The following VRK2 variants were observed in gnomAD, a reference collection of about 807,000 sequenced individuals.
VRK2 encodes VRK serine/threonine kinase 2, also known as serine/threonine-protein kinase VRK2.
VRK2 carries 60 observed loss-of-function variants against 57.6 expected under a neutral mutation model. That is an observed-to-expected ratio of 1.04 (90% CI 0.85 to 1.29). VRK2 has a LOEUF of 1.29. VRK2 is among the 50% of genes most tolerant of loss of function. The probability of loss-of-function intolerance (pLI) is 0.00; values close to 1 mark genes in which losing one functional copy is unlikely to be tolerated. For synonymous variants in VRK2, 231 were observed against 199.2 expected, an observed-to-expected ratio of 1.16 and a Z score of -1.35; for missense variants, 705 against 588.1, an observed-to-expected ratio of 1.20 and a Z score of -2.06.
At chr2:57,974,066 A>C (rs1672173873) in intron 1 of VRK2, among the ~76,000 whole-genome samples, 1 of 151,810 alleles carries the variant, frequency 6.6e-6, no homozygotes, top group African/African-American at 2.4e-5. Flanking sequence ...GCTCTGAGGA[A>C]GAAGTTAGCT....
At chr2:58,013,855 T>A in intron 1 of VRK2, among the ~76,000 whole-genome samples, 1 of 83,282 alleles carries the variant, frequency 1.2e-5, no homozygotes, top group Non-Finnish European at 1.9e-5. Context: ...CGAGACTCCG[T>A]CTCAAAAAAA....
intron 11 of VRK2, among the ~76,000 whole-genome samples, chr2:58,140,334 C>T (rs1573362225): frequency 6.6e-6 from 1 of 152,036 alleles, no homozygotes; most frequent in Middle Eastern, 3.4e-3. Context: ...AAAAGTTACA[C>T]CTCTTCTTTT....
At chr2:57,992,281 C>A (rs1337716692) in intron 1 of VRK2, among the ~76,000 whole-genome samples, 1 of 152,050 alleles carries the variant, frequency 6.6e-6, no homozygotes, top group African/African-American at 2.4e-5. Context: ...GAGGAGAAAT[C>A]GTTCTAGAAA....
At chr2:58,040,112 A>G (rs1323707649) in intron 3 of VRK2, among the ~76,000 whole-genome samples, 1 of 151,950 alleles carries the variant, frequency 6.6e-6, no homozygotes, top group African/African-American at 2.4e-5. Flanking sequence ...TTTTTGGTAG[A>G]GACAGGGTCT....
intron 2 of VRK2, among the ~76,000 whole-genome samples, chr2:58,081,888 G>A (rs1393122687): frequency 6.6e-6 from 1 of 151,208 alleles, no homozygotes; most frequent in African/African-American, 2.4e-5. Flanking sequence ...GTGTGTGTGT[G>A]TGTGTGTGTG....
upstream of VRK2, among the ~76,000 whole-genome samples, chr2:58,046,164 T>C (rs1204602898): frequency 6.6e-6 from 1 of 152,194 alleles, no homozygotes; most frequent in African/African-American, 2.4e-5. Context: ...CTTTATGTAT[T>C]AGAAAACTGC....
At chr2:57,909,374 A>G (rs1669917839) in intron 1 of VRK2, among the ~76,000 whole-genome samples, 1 of 152,178 alleles carries the variant, frequency 6.6e-6, no homozygotes, top group Non-Finnish European at 1.5e-5. Context: ...ATCACTATGG[A>G]GATTAAGTAC....
chr2:57,914,761 A>G (rs1389883382), intron 1 of VRK2, among the ~76,000 whole-genome samples: 1 of 152,204 alleles, frequency 6.6e-6, no homozygotes, highest in East Asian at 1.9e-4. Flanking sequence ...TTATTGAGAC[A>G]TAAAAAGAAA....
chr2:58,011,534 G>C (rs1247901681), intron 1 of VRK2, among the ~76,000 whole-genome samples: 1 of 152,130 alleles, frequency 6.6e-6, no homozygotes, highest in African/African-American at 2.4e-5. Flanking sequence ...TTAAATCAGG[G>C]AAGAAACACA....
At chr2:57,999,853 A>C (rs897607600) in intron 1 of VRK2, among the ~76,000 whole-genome samples, 3 of 152,310 alleles carry the variant, frequency 2.0e-5, no homozygotes, top group Non-Finnish European at 4.4e-5. Context: ...TGTGTATTAA[A>C]AACTATTATA....
At chr2:58,103,601 A>T (rs147536049) in intron 7 of VRK2, among the ~76,000 whole-genome samples, 1 of 151,926 alleles carries the variant, frequency 6.6e-6, no homozygotes, top group Non-Finnish European at 1.5e-5. Context: ...AATCGGTAAT[A>T]GAAAAATCTT....
intron 12 of VRK2, among the ~76,000 whole-genome samples, chr2:58,155,236 G>GA (rs1683625141): frequency 6.6e-6 from 1 of 152,168 alleles, no homozygotes; most frequent in African/African-American, 2.4e-5. Flanking sequence ...TCTAGTTAGG[G>GA]AGATGTGCGA....
chr2:58,158,458 A>T (rs1419966452), intron 12 of VRK2, among the ~76,000 whole-genome samples: 1 of 152,178 alleles, frequency 6.6e-6, no homozygotes, highest in East Asian at 1.9e-4. Flanking sequence ...GTATCTAGAA[A>T]GGGGAGGGCT....
intron 7 of VRK2, among the ~76,000 whole-genome samples, chr2:58,094,612 A>G (rs925127558): frequency 1.3e-5 from 2 of 152,232 alleles, no homozygotes; most frequent in African/African-American, 2.4e-5. Context: ...AACAGGGACA[A>G]TTTGACTTCC....
Position 58,139,862 on chromosome 2 carries a change from A to T in VRK2, c.1023+30A>T, listed in dbSNP as rs531897523. 9 of 1,562,908 alleles carry T rather than the reference A, an allele frequency of 5.8e-6. No homozygotes were observed. The African/African-American group carries it at 1.2e-4, about 21-fold the overall frequency. On this transcript the variant is annotated intron_variant, in intron 11 of 12. Transcript: ENST00000340157. The stretch of plus-strand genomic sequence containing the variant: ...GTAACATAATCCCTGCTATCCTATG[A>T]TTACCTTCTATGATACTTTTCTATC...
At chr2:58,030,870 T>C (rs1230133309) in intron 2 of VRK2, among the ~76,000 whole-genome samples, 1 of 152,074 alleles carries the variant, frequency 6.6e-6, no homozygotes, top group Non-Finnish European at 1.5e-5. Flanking sequence ...GGAACACTCA[T>C]GCTTTATGCC....
chr2:58,084,213 G>A (rs1240320345), intron 3 of VRK2, 75 bp downstream of exon 3: 17 of 1,452,924 alleles, frequency 1.2e-5, no homozygotes, highest in Admixed American at 3.9e-5. Context: ...TGTTTTTCAC[G>A]TTAATTTTTG....
intron 2 of VRK2, among the ~76,000 whole-genome samples, chr2:58,059,162 A>C (rs1193899660): frequency 6.6e-6 from 1 of 152,030 alleles, no homozygotes; most frequent in Non-Finnish European, 1.5e-5. Flanking sequence ...AGTAAACCTA[A>C]TGTTAGGCAC....
chr2:58,048,523 T>C, intron 1 of VRK2: 1 of 1,310,438 alleles, frequency 7.6e-7, no homozygotes, highest in Non-Finnish European at 1.0e-6. Context: ...TCGTGTTTCT[T>C]AAGGTGTGTC....
Sources: gnomAD v4.1 joint callset for allele counts (sites outside exome capture counted in the v4.1 genomes callset) on GRCh38, gnomAD v4.1.1 for gene constraint, MANE v1.5 for transcripts, NCBI Gene and HGNC (gene_info 2026-07-23, HGNC 2026-07-21) for gene names.